Variants in SYN2 observed in about 807,000 individuals in gnomAD.
The protein encoded by SYN2 is synapsin II, also known as synapsin-2.
Under a neutral mutation model 50.9 loss-of-function variants are expected in SYN2, and 19 were observed. The observed-to-expected ratio is 0.37, with a 90% CI of 0.26 to 0.55. SYN2 has a LOEUF of 0.55. Among genes scored for constraint, SYN2 ranks in the 20% least tolerant of loss-of-function variants. The probability of loss-of-function intolerance (pLI) is 0.81; values close to 1 mark genes in which losing one functional copy is unlikely to be tolerated. For missense variants in SYN2, 587 were observed against 576.4 expected, an observed-to-expected ratio of 1.02 and a Z score of -0.19; for synonymous variants, 255 against 224.9, an observed-to-expected ratio of 1.13 and a Z score of -1.20.
chr3:12,120,386 T>G (rs1224496226), intron 1 of SYN2, among the ~76,000 whole-genome samples: 1 of 152,184 alleles, frequency 6.6e-6, no homozygotes. Context: ...TACCTCTCCT[T>G]CCCCACTAGT....
intron 10 of SYN2, among the ~76,000 whole-genome samples, chr3:12,178,609 A>C (rs1698144499): frequency 6.6e-6 from 1 of 152,240 alleles, no homozygotes; most frequent in South Asian, 2.1e-4. Context: ...TTCCCTGCAC[A>C]TGAAACTGCT....
At chr3:12,050,589 C>T (rs1332481045) in intron 1 of SYN2, among the ~76,000 whole-genome samples, 6 of 151,756 alleles carry the variant, frequency 4.0e-5, no homozygotes, top group Non-Finnish European at 5.9e-5. Context: ...CGTGATCTGT[C>T]GGCCTCAGTC....
intron 1 of SYN2, among the ~76,000 whole-genome samples, chr3:12,111,967 C>G (rs922945507): frequency 1.3e-5 from 2 of 152,166 alleles, no homozygotes; most frequent in Non-Finnish European, 2.9e-5. Flanking sequence ...TTGTATCCAG[C>G]AGGCTTCTGG....
rs913598596 is a variant in SYN2 at position 12,190,688 on chromosome 3, C to G, written c.*63C>G. The stretch of plus-strand genomic sequence containing the variant: ...AGGCATCTAAGACATTCACCAACAA[C>G]AGTCAGCCAGCTTGGTGGTTATGTC... On this transcript the variant is annotated 3_prime_UTR_variant, in exon 13 of 13. Transcript: ENST00000621198. 2.5e-6 allele frequency: 4 copies of G among 1,583,494 alleles called. No homozygotes were observed. In the African/African-American group the frequency reaches 4.1e-5, roughly 16 times the overall value.
chr3:12,071,113 C>G, intron 1 of SYN2: 4 of 561,312 alleles, frequency 7.1e-6, no homozygotes, highest in Non-Finnish European at 7.2e-6. Flanking sequence ...CTGCAAAGAC[C>G]TACATGCCAA....
rs541960027 is a variant in SYN2 at position 12,123,989 on chromosome 3, A to T, written c.378-16662A>T. ...TCACACCACTACACTCCAGCCTGGC[A>T]GACAGAGCAAGACCCTGTCTCAAAG... On this transcript the variant is annotated intron_variant, in intron 1 of 12. Transcript: ENST00000621198. Among the ~76,000 whole-genome samples the T allele has an allele frequency of 4.6e-5, 7 of 152,212 alleles. No homozygotes were observed. In the East Asian group the frequency reaches 9.7e-4, roughly 21 times the overall value.
Position 12,125,337 on chromosome 3 carries a change from A to G in SYN2, c.378-15314A>G, listed in dbSNP as rs564558158. The stretch of plus-strand genomic sequence containing the variant: ...TTCTAAGTTTATTTTTTCCACAGTA[A>G]GGCATAATATAAAGTGACGGAACAA... On this transcript the variant is annotated intron_variant, in intron 1 of 12. Coordinates refer to ENST00000621198, the MANE Select transcript of SYN2 (RefSeq NM_133625.6). 1.7e-3 allele frequency among the ~76,000 whole-genome samples: 264 copies of G among 152,220 alleles called. 1 individual carries two copies. Among genetic ancestry groups the G allele is most frequent in the Admixed American group, 4.2e-3 (64 of 15,272 alleles).
At chr3:12,022,485 G>T (rs765373933) in intron 1 of SYN2, among the ~76,000 whole-genome samples, 4 of 152,082 alleles carry the variant, frequency 2.6e-5, no homozygotes, top group Non-Finnish European at 4.4e-5. Flanking sequence ...TCGGCTCACT[G>T]CAACCTTTGC....
intron 12 of SYN2, among the ~76,000 whole-genome samples, chr3:12,188,829 G>A (rs1390446372): frequency 1.3e-5 from 2 of 152,118 alleles, no homozygotes; most frequent in African/African-American, 4.8e-5. Context: ...CCTGCCTGCT[G>A]ACTTTTTTTT....
chr3:12,050,711 CTTTTTTTTTTTTTTTTT>C (rs57099569), intron 1 of SYN2, among the ~76,000 whole-genome samples: 674 of 50,554 alleles, frequency 0.013, 9 homozygotes, highest in South Asian at 0.045. Flanking sequence ...CTTCTCTTCT[CTTTTTTTTTTTTTTTTT>C]TTTTTTTTTT....
At chr3:12,096,702 G>C (rs1205149522) in intron 1 of SYN2, among the ~76,000 whole-genome samples, 1 of 152,106 alleles carries the variant, frequency 6.6e-6, no homozygotes, top group Non-Finnish European at 1.5e-5. Context: ...GAGTGAATGA[G>C]AATGAGTGTG....
chr3:12,141,931 G>GGCCCATGCAGATGGC lies in SYN2; in HGVS notation c.463_477dup (p.Ala155_Gly159dup), dbSNP rs1358466943. On this transcript the variant is annotated inframe_insertion, in exon 3 of 13. Transcript: ENST00000621198. ...CAGAATTTTCAGAGCTCAACCTGGTGGCCCATGCAGATGGCACCTATGCTG... is the reference window on the plus strand; with the variant it reads ...CAGAATTTTCAGAGCTCAACCTGGTGGCCCATGCAGATGGCGCCCATGCAGATGGCACCTATGCTG... The GGCCCATGCAGATGGC allele has an allele frequency of 1.3e-6, 1 of 780,666 alleles. No homozygotes were observed. Among genetic ancestry groups the GGCCCATGCAGATGGC allele is most frequent in the African/African-American group, 1.7e-5 (1 of 59,110 alleles). The allele number at this position is 780,666 out of a possible 1,614,324, so 48.4% of individuals were successfully genotyped here. A position where few individuals can be genotyped will look rare whatever the true frequency, so the allele number is the denominator to read the frequency against.
intron 1 of SYN2, among the ~76,000 whole-genome samples, chr3:12,106,062 A>T (rs1696182383): frequency 6.6e-6 from 1 of 152,124 alleles, no homozygotes; most frequent in African/African-American, 2.4e-5. Context: ...ACACTGGGGA[A>T]AAAAATCTGT....
At chr3:12,117,496 T>G (rs1439516371) in intron 1 of SYN2, among the ~76,000 whole-genome samples, 2 of 152,204 alleles carry the variant, frequency 1.3e-5, no homozygotes, top group East Asian at 3.8e-4. Context: ...GGAAATTACT[T>G]CAGATATATT....
chr3:12,131,952 A>G (rs1015212437), intron 1 of SYN2, among the ~76,000 whole-genome samples: 22 of 151,958 alleles, frequency 1.4e-4, no homozygotes, highest in African/African-American at 4.8e-4. Flanking sequence ...AGGACTCTGT[A>G]TTAGATTGAG....
intron 11 of SYN2, chr3:12,185,307 C>T: frequency 1.0e-6 from 1 of 985,632 alleles, no homozygotes; most frequent in Non-Finnish European, 1.2e-6. Context: ...GGTGGTATTG[C>T]TTCTCTGCAT....
chr3:12,184,362 C>G, intron 11 of SYN2: 1 of 985,852 alleles, frequency 1.0e-6, no homozygotes. Flanking sequence ...TTTCTGTTCC[C>G]AAAGCTTGAC....
rs545345771 is a variant in SYN2, at chr3:12,049,259, C to G, written c.377+44331C>G. ...AGAGCCCTGGCTCGGTGGCTCATGC[C>G]CATAATCCTAGCACTTTGGGAGGCT... On this transcript the variant is annotated intron_variant, in intron 1 of 12. Transcript: ENST00000621198. 3.3e-5 allele frequency among the ~76,000 whole-genome samples: 5 copies of G among 152,082 alleles called. No individual in the cohort carries two copies. The East Asian group carries it at 9.7e-4, about 29-fold the overall frequency.
intron 5 of SYN2, chr3:12,153,463 A>G (rs1697363184): frequency 6.2e-7 from 1 of 1,601,722 alleles, no homozygotes; most frequent in African/African-American, 1.3e-5. Flanking sequence ...GGGAAGGAGA[A>G]CTGGCTTGAT....
Sources: gnomAD v4.1 joint callset for allele counts (sites outside exome capture counted in the v4.1 genomes callset) on GRCh38, gnomAD v4.1.1 for gene constraint, MANE v1.5 for transcripts, NCBI Gene and HGNC (gene_info 2026-07-23, HGNC 2026-07-21) for gene names.